The following ANK1 variants were observed in gnomAD, a reference collection of about 807,000 sequenced individuals.
The protein encoded by ANK1 is ankyrin 1.
In ANK1, 51 loss-of-function variants were observed where a neutral mutation model predicts 210.4. That is an observed-to-expected ratio of 0.24 (90% CI 0.19 to 0.31). ANK1 has a LOEUF of 0.31. ANK1 is among the 10% of genes least tolerant of loss of function. The pLI is 1.00. For synonymous variants in ANK1, 967 were observed against 1,025.9 expected (o/e 0.94, Z 1.10); for missense variants, 2,051 against 2,504.4 (o/e 0.82, Z 3.86).
At chr8:41,849,338 C>A (rs1002654406) in intron 1 of ANK1, among the ~76,000 whole-genome samples, 5 of 152,158 alleles carry the variant, frequency 3.3e-5, no homozygotes, top group African/African-American at 1.2e-4. Context: ...TGGCCTTGGG[C>A]TGTGGTGAAA....
At chr8:41,749,720 C>T (rs1265253582) in intron 2 of ANK1, among the ~76,000 whole-genome samples, 1 of 152,078 alleles carries the variant, frequency 6.6e-6, no homozygotes, top group Non-Finnish European at 1.5e-5. Context: ...TCAAGTGATT[C>T]TCTTGCCTCA....
At chr8:41,736,000 G>T (rs187578143) in intron 2 of ANK1, among the ~76,000 whole-genome samples, 1 of 152,076 alleles carries the variant, frequency 6.6e-6, no homozygotes, top group Non-Finnish European at 1.5e-5. Flanking sequence ...TCATGCAAAC[G>T]CCTGAAAATG....
intron 38 of ANK1, among the ~76,000 whole-genome samples, chr8:41,670,513 G>T (rs1026578936): frequency 6.6e-6 from 1 of 152,174 alleles, no homozygotes; most frequent in Non-Finnish European, 1.5e-5. Context: ...TCCCGGGAAG[G>T]CCACTATTTC....
At chr8:41,842,881 C>T (rs1171533308) in intron 1 of ANK1, among the ~76,000 whole-genome samples, 1 of 152,200 alleles carries the variant, frequency 6.6e-6, no homozygotes, top group African/African-American at 2.4e-5. Flanking sequence ...GGATCTCCTT[C>T]TGTCGCCCAG....
At chr8:41,703,450 A>ATATATATATTTTTT (rs59985416) in intron 20 of ANK1, among the ~76,000 whole-genome samples, 1 of 58,818 alleles carries the variant, frequency 1.7e-5, no homozygotes, top group Admixed American at 2.4e-4. Context: ...ATATATATAT[A>ATATATATATTTTTT]TTTTTTTTTT....
At chr8:41,868,847 A>G (rs1814966061) in intron 1 of ANK1, among the ~76,000 whole-genome samples, 1 of 152,208 alleles carries the variant, frequency 6.6e-6, no homozygotes, top group Admixed American at 6.5e-5. Flanking sequence ...GAACTTTCGG[A>G]TGGGAGACAC....
At chr8:41,855,193 A>ATAGG (rs1264910110) in intron 1 of ANK1, among the ~76,000 whole-genome samples, 1 of 152,236 alleles carries the variant, frequency 6.6e-6, no homozygotes, top group African/African-American at 2.4e-5. Flanking sequence ...AGATAGATAG[A>ATAGG]TAGGTACAGG....
chr8:41,780,204 T>G (rs143596710), intron 1 of ANK1, among the ~76,000 whole-genome samples: 114 of 152,226 alleles, frequency 7.5e-4, no homozygotes, highest in Non-Finnish European at 1.4e-3. Context: ...TGGGTTCACT[T>G]CTTTTAGAAT....
intron 1 of ANK1, among the ~76,000 whole-genome samples, chr8:41,785,389 C>T (rs1846137685): frequency 6.6e-6 from 1 of 152,150 alleles, no homozygotes; most frequent in South Asian, 2.1e-4. Flanking sequence ...AATAAAAACA[C>T]ATGAAGCAGA....
intron 1 of ANK1, among the ~76,000 whole-genome samples, chr8:41,889,791 A>G (rs1819080528): frequency 6.6e-6 from 1 of 152,210 alleles, no homozygotes; most frequent in South Asian, 2.1e-4. Context: ...AAGCCCTTTT[A>G]TGTTCCCCTC....
chr8:41,885,034 A>C lies in ANK1; in HGVS notation c.126+11321T>G, dbSNP rs556242644. On this transcript the variant is annotated intron_variant, in intron 1 of 42. Transcript: ENST00000265709. The stretch of plus-strand genomic sequence containing the variant: ...GGAAAGCAACGGAAGGGTTTTCGGA[A>C]GGGAAGTGACAACTATCACATTTGT... 6.4e-4 allele frequency among the ~76,000 whole-genome samples: 97 copies of C among 152,100 alleles called. 3 individuals carry two copies. In the South Asian group the frequency reaches 0.019, roughly 30 times the overall value.
chr8:41,668,545 C>G lies in ANK1; in HGVS notation c.5116G>C (p.Asp1706His). The change falls in exon 39 of 43, where the codon GAC becomes CAC. Residue 1706 changes from aspartate to histidine, a missense_variant. By Grantham distance (81) the Asp-to-His change is moderately conservative. Coordinates refer to ENST00000289734, the MANE Select transcript of ANK1 (RefSeq NM_000037.4). ...TGCAGGTATGAGACAATCGAGCCGT[C>G]TGCATCCCAGTCCTGCAGTCTGGGG... Reference protein sequence around the residue: ...SQDRLQDWDADGSIVSYLQDA... With the variant: ...SQDRLQDWDAHGSIVSYLQDA... 6.2e-7 allele frequency: 1 copy of G among 1,613,700 alleles called. No homozygotes were observed. Among genetic ancestry groups the G allele is most frequent in the South Asian group, 1.1e-5 (1 of 91,070 alleles).
intron 1 of ANK1, among the ~76,000 whole-genome samples, chr8:41,785,022 C>T (rs1248751270): frequency 6.6e-6 from 1 of 152,110 alleles, no homozygotes; most frequent in Non-Finnish European, 1.5e-5. Context: ...CCCTCGAGCC[C>T]CGGCTTCTCC....
In ANK1 at chr8:41,722,810, G is replaced by C. The variant is rs188228334; in HGVS notation, c.909+315C>G. 4.0e-4 allele frequency among the ~76,000 whole-genome samples: 61 copies of C among 152,288 alleles called. 1 individual carries two copies. The highest frequency in any genetic ancestry group is 7.4e-5 in the Non-Finnish European group (5 of 68,026). ...ACGTTTTATTGGAACACGGGCCCTA[G>C]TTTGCATATTGCCTGTGGCTGCTTT... On this transcript the variant is annotated intron_variant, in intron 9 of 42. Coordinates refer to ENST00000289734, the MANE Select transcript of ANK1 (RefSeq NM_000037.4).
intron 1 of ANK1, among the ~76,000 whole-genome samples, chr8:41,847,564 T>C (rs1399616434): frequency 6.6e-6 from 1 of 152,196 alleles, no homozygotes; most frequent in Non-Finnish European, 1.5e-5. Flanking sequence ...TATATAAGCA[T>C]CACCTCATTC....
At chr8:41,688,047 C>T in intron 35 of ANK1, 109 bp downstream of exon 35, 7 of 1,323,792 alleles carry the variant, frequency 5.3e-6, no homozygotes, top group Non-Finnish European at 7.6e-6. Flanking sequence ...ATCAGATAAC[C>T]CACGGGTGAT....
intron 2 of ANK1, among the ~76,000 whole-genome samples, chr8:41,743,824 AC>A (rs1395894187): frequency 6.6e-6 from 1 of 152,220 alleles, no homozygotes; most frequent in Non-Finnish European, 1.5e-5. Flanking sequence ...ATATATATAT[AC>A]ATAGACAGCT....
chr8:41,765,103 C>T lies in ANK1; in HGVS notation c.28-6966G>A, dbSNP rs188435916. Among the ~76,000 whole-genome samples, 833 of 150,390 alleles carry T rather than the reference C, an allele frequency of 5.5e-3. 8 individuals carry two copies. The highest frequency in any genetic ancestry group is 7.8e-3 in the Non-Finnish European group (526 of 67,542). ...CTTCCTTCCTTCTTTGCCTCCTTCC[C>T]TCCTTCCTTCCTTCTCTTTTTCTCT... On this transcript the variant is annotated intron_variant, in intron 1 of 42. Coordinates refer to ENST00000289734, the MANE Select transcript of ANK1 (RefSeq NM_000037.4).
intron 1 of ANK1, among the ~76,000 whole-genome samples, chr8:41,809,989 C>T (rs1321658498): frequency 6.6e-6 from 1 of 152,168 alleles, no homozygotes; most frequent in Admixed American, 6.5e-5. Flanking sequence ...CGGGGATCCA[C>T]AGATGTGGGA....
Sources: allele counts gnomAD v4.1 joint callset (sites outside exome capture counted in the v4.1 genomes callset), GRCh38; gene constraint gnomAD v4.1.1; transcripts MANE v1.5; gene names NCBI Gene and HGNC (gene_info 2026-07-23, HGNC 2026-07-21).